The following MESP1 variants were observed in gnomAD, a reference collection of about 807,000 sequenced individuals.
The protein encoded by MESP1 is mesoderm posterior bHLH transcription factor 1, also known as mesoderm posterior protein 1.
MESP1 carries 22 observed loss-of-function variants against 15.2 expected under a neutral mutation model. That is an observed-to-expected ratio of 1.45 (90% CI 1.04 to 2.07). MESP1 has a LOEUF of 2.07. MESP1 is among the 30% of genes most tolerant of loss of function. The probability of loss-of-function intolerance (pLI) is 0.00; values close to 1 mark genes in which losing one functional copy is unlikely to be tolerated. For synonymous variants in MESP1, 216 were observed against 192.6 expected (o/e 1.12, Z -1.01); for missense variants, 484 against 411.9 (o/e 1.17, Z -1.51).
chr15:89,737,897 AG>A, the MESP1 span: 1 of 1,305,294 alleles, frequency 7.7e-7, no homozygotes, highest in Non-Finnish European at 1.1e-6. Context: ...AAATGCCAGC[AG>A]GGTCTTCTCT....
downstream of MESP1, among the ~76,000 whole-genome samples, chr15:89,745,570 T>C (rs1967920220): frequency 1.3e-5 from 2 of 152,104 alleles, no homozygotes; most frequent in African/African-American, 2.4e-5. This position sits in a 1 kb window ranked among gnomAD's most constrained non-coding sequence, Gnocchi z 4.8. Context: ...GAGACCATCC[T>C]GGCTAACAAG....
chr15:89,737,425 G>A, the MESP1 span: 3 of 1,054,112 alleles, frequency 2.8e-6, no homozygotes, highest in Non-Finnish European at 2.7e-6. Context: ...CAGGTCTCCA[G>A]CAGCCCTGGA....
At chr15:89,736,242 G>A in the MESP1 span, among the ~76,000 whole-genome samples, 2 of 152,204 alleles carry the variant, frequency 1.3e-5, no homozygotes, top group Admixed American at 1.3e-4. Context: ...AGCGTGCGCG[G>A]TTGATCCTCG....
chr15:89,751,013 G>A lies in MESP1; in HGVS notation c.219C>T (p.Gly73=). 7.3e-7 allele frequency: 1 copy of A among 1,361,664 alleles called. No homozygotes were observed. Among genetic ancestry groups the A allele is most frequent in the South Asian group, 1.8e-5 (1 of 55,154 alleles). 84.3% of individuals were successfully genotyped at this position (1,361,664 alleles called of 1,614,324 possible). A position where few individuals can be genotyped will look rare whatever the true frequency, so the allele number is the denominator to read the frequency against. Residue 73 remains glycine, a synonymous_variant, in exon 1 of 2, where the codon GGC becomes GGT. Coordinates refer to ENST00000300057, the MANE Select transcript of MESP1 (RefSeq NM_018670.4). ...DPRAPSVGRR[G]ARSSRLGSGQ... ...CGCTGCCCAGGCGGCTGCTGCGCGC[G>A]CCGCGCCTACCTACGGAGGGGGCGC... is the stretch of plus-strand genomic sequence containing the variant.
intron 1 of MESP1, 33 bp downstream of exon 1, chr15:89,750,476 G>A (rs1968063979): frequency 2.0e-6 from 3 of 1,480,826 alleles, no homozygotes; most frequent in South Asian, 2.7e-5. Flanking sequence ...GCGGGGGCAC[G>A]GACGAAGGGG....
the MESP1 span, among the ~76,000 whole-genome samples, chr15:89,744,585 C>T: frequency 3.9e-5 from 6 of 152,212 alleles, no homozygotes; most frequent in Non-Finnish European, 7.3e-5. Context: ...TTATTGTTAT[C>T]CCCATTTTAC....
At chr15:89,750,278 C>G in intron 1 of MESP1, 51 bp from the exon 2 acceptor site, 1 of 1,601,276 alleles carries the variant, frequency 6.2e-7, no homozygotes, top group Non-Finnish European at 8.6e-7. Flanking sequence ...TGGCCTTGTG[C>G]GGGTGTCCGC....
chr15:89,746,511 ACACACAGCCCAAC>A (rs1264851993), downstream of MESP1, among the ~76,000 whole-genome samples: 1 of 142,220 alleles, frequency 7.0e-6, no homozygotes, highest in African/African-American at 2.9e-5. Flanking sequence ...CTCCACACAC[ACACACAGCCCAAC>A]CTCCACACAC....
the MESP1 span, among the ~76,000 whole-genome samples, chr15:89,741,830 C>A: frequency 6.6e-6 from 1 of 152,092 alleles, no homozygotes; most frequent in Non-Finnish European, 1.5e-5. Flanking sequence ...CAGCTCACTG[C>A]AACCTCTGCC....
rs940776860 is a variant in MESP1, at chr15:89,749,977, G to A, written c.*167C>T. 8 of 664,744 alleles carry A rather than the reference G, an allele frequency of 1.2e-5. No homozygotes were observed. Among genetic ancestry groups the A allele is most frequent in the East Asian group, 2.7e-5 (1 of 37,596 alleles). The allele number at this position is 664,744 out of a possible 1,614,324, so 41.2% of individuals were successfully genotyped here. ...CCTATGGGTCCCTCCATGGAGGGAG[G>A]GGCTGAGAAGGGCCGCCGCGGTGGG... On this transcript the variant is annotated 3_prime_UTR_variant, in exon 2 of 2. Coordinates refer to ENST00000300057, the MANE Select transcript of MESP1 (RefSeq NM_018670.4).
the MESP1 span, chr15:89,743,476 A>G: frequency 1.3e-3 from 1,724 of 1,327,614 alleles, 3 homozygotes; most frequent in Non-Finnish European, 1.6e-3. Context: ...AGAGAAATGT[A>G]ACAGAGCCAC....
the MESP1 span, among the ~76,000 whole-genome samples, chr15:89,736,158 A>G: frequency 3.9e-5 from 6 of 152,208 alleles, no homozygotes; most frequent in African/African-American, 1.4e-4. Context: ...GCAGGGATGG[A>G]GAGTTGAGAG....
At chr15:89,737,489 C>A in the MESP1 span, 2 of 1,543,898 alleles carry the variant, frequency 1.3e-6, no homozygotes, top group South Asian at 1.2e-5. Flanking sequence ...TTCTCTCATT[C>A]CTTACTGGGG....
At chr15:89,739,229 T>C in the MESP1 span, among the ~76,000 whole-genome samples, 65 of 152,138 alleles carry the variant, frequency 4.3e-4, no homozygotes, top group Non-Finnish European at 7.8e-4. Flanking sequence ...GTAAATAAGG[T>C]TTTATTTGAA....
chr15:89,747,247 T>C (rs1052630393), downstream of MESP1, among the ~76,000 whole-genome samples: 2 of 152,110 alleles, frequency 1.3e-5, no homozygotes, highest in African/African-American at 2.4e-5. Context: ...TTATGGAAAG[T>C]TCCTCGAGTT....
At chr15:89,750,435 G>GT in intron 1 of MESP1, 74 bp downstream of exon 1, 1 of 1,463,130 alleles carries the variant, frequency 6.8e-7, no homozygotes, top group Non-Finnish European at 9.0e-7. Context: ...AGGGTGCCTG[G>GT]TCCTCACCTT....
the MESP1 span, among the ~76,000 whole-genome samples, chr15:89,741,383 A>G: frequency 7.9e-5 from 12 of 152,190 alleles, no homozygotes; most frequent in South Asian, 2.3e-3. Context: ...ATGCGCCACC[A>G]CACCCAGCTA....
rs762889316 is a variant in MESP1, at chr15:89,750,144, T to G, written c.807A>C (p.Ter269CysextTer78). The G allele has an allele frequency of 6.8e-6, 11 of 1,613,670 alleles. No homozygotes were observed. The highest frequency in any genetic ancestry group is 6.7e-5 in the African/African-American group (5 of 74,904). Residue 269 changes from the stop codon to cysteine, a stop_lost, in exon 2 of 2, where the codon TGA becomes TGC. Transcript: ENST00000300057. ...PLEWLPEEPK[*>C] ...CAGAGACGGCGTCAGTTGTCCCTTG[T>G]CACTTGGGCTCCTCAGGCAGCCACT...
chr15:89,748,079 G>T (rs1221582469), downstream of MESP1, among the ~76,000 whole-genome samples: 1 of 152,230 alleles, frequency 6.6e-6, no homozygotes, highest in Admixed American at 6.5e-5. Context: ...GCTCAGAGGC[G>T]GAGGAGAAGC....
Sources: gnomAD v4.1 joint callset for allele counts (sites outside exome capture counted in the v4.1 genomes callset) on GRCh38, gnomAD v4.1.1 for gene constraint, Gnocchi (gnomAD v3.1) non-coding constraint, MANE v1.5 for transcripts, NCBI Gene and HGNC (gene_info 2026-07-23, HGNC 2026-07-21) for gene names.